TRIP11: variants seen among roughly 807,000 people sequenced by gnomAD.
TRIP11 encodes the protein thyroid receptor-interacting protein 11.
A neutral mutation model predicts 223.1 loss-of-function variants in TRIP11; 148 were observed. The observed-to-expected ratio is 0.66, with a 90% CI of 0.58 to 0.76. TRIP11 has a LOEUF of 0.76. TRIP11 is among the 30% of genes least tolerant of loss of function. The probability of loss-of-function intolerance (pLI) is 0.00; values close to 1 mark genes in which losing one functional copy is unlikely to be tolerated. For missense variants in TRIP11, 2,043 were observed against 2,222.0 expected (o/e 0.92, Z 1.62); for synonymous variants, 762 against 772.6 (o/e 0.99, Z 0.23).
chr14:91,968,671 T>G lies in TRIP11; in HGVS notation c.*1002A>C. 1 of 226,842 alleles carries G rather than the reference T, an allele frequency of 4.4e-6. No individual in the cohort carries two copies. Among genetic ancestry groups the G allele is most frequent in the Non-Finnish European group, 8.8e-6 (1 of 113,428 alleles). The allele number at this position is 226,842 out of a possible 1,614,324, so 14.1% of individuals were successfully genotyped here. A position where few individuals can be genotyped will look rare whatever the true frequency, so the allele number is the denominator to read the frequency against. ...TAAGTGATATATCTGCACTATATGCTCAACAATAAAAAGGAACAAACTAGT... is the reference window on the plus strand; with the variant it reads ...TAAGTGATATATCTGCACTATATGCGCAACAATAAAAAGGAACAAACTAGT... On this transcript the variant is annotated 3_prime_UTR_variant, in exon 21 of 21. Coordinates refer to ENST00000267622, the MANE Select transcript of TRIP11 (RefSeq NM_004239.4).
chr14:91,982,667 G>A (rs1014553367), intron 16 of TRIP11, among the ~76,000 whole-genome samples: 2 of 152,162 alleles, frequency 1.3e-5, no homozygotes, highest in African/African-American at 4.8e-5. Flanking sequence ...CAGATATCCA[G>A]GGTCTCTTCA....
chr14:92,003,090 C>T (rs910264275), intron 11 of TRIP11, among the ~76,000 whole-genome samples: 1 of 152,158 alleles, frequency 6.6e-6, no homozygotes, highest in Non-Finnish European at 1.5e-5. Context: ...TTAACAGCTA[C>T]TGTAATACCT....
intron 10 of TRIP11, among the ~76,000 whole-genome samples, chr14:92,007,175 C>T (rs2056915821): frequency 6.6e-6 from 1 of 152,060 alleles, no homozygotes; most frequent in Admixed American, 6.6e-5. Context: ...CAGGCACCTG[C>T]CACCACGGCC....
At chr14:91,970,604 A>C (rs1189466041) in intron 20 of TRIP11, among the ~76,000 whole-genome samples, 1 of 152,194 alleles carries the variant, frequency 6.6e-6, no homozygotes, top group Non-Finnish European at 1.5e-5. Context: ...AGTAAATTTA[A>C]TTCATATGCT....
chr14:92,003,679 T>C lies in TRIP11; in HGVS notation c.4297A>G (p.Lys1433Glu), dbSNP rs534518044. 4 of 1,614,082 alleles carry C rather than the reference T, an allele frequency of 2.5e-6. No homozygotes were observed. The highest frequency in any genetic ancestry group is 2.5e-6 in the Non-Finnish European group (3 of 1,180,032). The change falls in exon 11 of 21, where the codon AAA (lysine) becomes GAA (glutamate). Residue 1433 changes from lysine (K) to glutamate (E), a missense_variant. Lys to Glu is a moderately conservative substitution (Grantham distance 56). Coordinates refer to ENST00000267622, the MANE Select transcript of TRIP11 (RefSeq NM_004239.4). The stretch of plus-strand genomic sequence containing the variant: ...CTCAAAAGTTCGTTTTCATTTACTT[T>C]GTTAGTGAAATTTTCATTGGAAGAA... ...LLSSNENFTNKVNENELLRQA... is the reference protein window; with the variant it reads ...LLSSNENFTNEVNENELLRQA...
Position 92,021,810 on chromosome 14 carries a change from C to T in TRIP11, c.334G>A (p.Ala112Thr), listed in dbSNP as rs1327899336. The change falls in exon 4 of 21, where the codon GCC (alanine) becomes ACC (threonine). Residue 112 changes from alanine (A) to threonine (T), a missense_variant. By Grantham distance (58) the Ala-to-Thr change is moderately conservative. Transcript: ENST00000267622. ...TGATCCTGGAGTGCAATCTGTCTGG[C>T]TTTAAGATGGCTGATTTCTACCTAT... Reference protein sequence around the residue: ...QKEVEISHLKARQIALQDQLL... With the variant: ...QKEVEISHLKTRQIALQDQLL... The T allele has an allele frequency of 6.2e-7, 1 of 1,614,012 alleles. No homozygotes were observed. The highest frequency in any genetic ancestry group is 1.1e-5 in the South Asian group (1 of 91,084).
intron 2 of TRIP11, among the ~76,000 whole-genome samples, chr14:92,025,746 G>A (rs1446514704): frequency 6.6e-6 from 1 of 152,110 alleles, no homozygotes; most frequent in Non-Finnish European, 1.5e-5. Context: ...CGGGCGTGGT[G>A]GCGTGTGCCC....
chr14:92,033,505 T>C (rs2057291443), intron 1 of TRIP11, among the ~76,000 whole-genome samples: 1 of 152,220 alleles, frequency 6.6e-6, no homozygotes, highest in South Asian at 2.1e-4. Flanking sequence ...CTTAGAAATG[T>C]TCATTAGAAT....
At chr14:92,034,760 G>A (rs1256775163) in intron 1 of TRIP11, among the ~76,000 whole-genome samples, 1 of 152,116 alleles carries the variant, frequency 6.6e-6, no homozygotes, top group African/African-American at 2.4e-5. Flanking sequence ...AGCCTTCCAA[G>A]TAGTTGGAAC....
chr14:92,023,678 C>A (rs894091469), intron 3 of TRIP11, among the ~76,000 whole-genome samples: 6 of 152,118 alleles, frequency 3.9e-5, no homozygotes, highest in East Asian at 3.9e-4. Context: ...CAGCTGTAAA[C>A]CCCTGGGTAG....
Position 92,004,375 on chromosome 14 carries a change from T to C in TRIP11, c.3601A>G (p.Ser1201Gly), listed in dbSNP as rs374989772. The change falls in exon 11 of 21, where the codon AGT (serine) becomes GGT (glycine). Residue 1201 changes from serine to glycine, a missense_variant. Coordinates refer to ENST00000267622, the MANE Select transcript of TRIP11 (RefSeq NM_004239.4). ...STGNEAGGVN[S>G]NQFEELLQER... ...TGTAGAAGCTCCTCAAATTGATTAC[T>C]ATTAACACCTCCAGCCTCATTACCA... is the stretch of plus-strand genomic sequence containing the variant. The C allele has an allele frequency of 6.2e-7, 1 of 1,613,996 alleles. No individual in the cohort carries two copies. The highest frequency in any genetic ancestry group is 1.3e-5 in the African/African-American group (1 of 74,942).
intron 15 of TRIP11, among the ~76,000 whole-genome samples, chr14:91,990,173 T>C (rs1244163691): frequency 1.4e-5 from 2 of 146,418 alleles, no homozygotes; most frequent in Non-Finnish European, 3.0e-5. Context: ...GATTGATATA[T>C]AGAGGGAATG....
intron 14 of TRIP11, among the ~76,000 whole-genome samples, chr14:91,994,330 G>A (rs747189772): frequency 2.7e-5 from 4 of 145,830 alleles, no homozygotes; most frequent in South Asian, 2.1e-4. Context: ...GTGTCATCTC[G>A]GCTCACTCAC....
intron 16 of TRIP11, among the ~76,000 whole-genome samples, chr14:91,985,264 G>A (rs2056591810): frequency 6.6e-6 from 1 of 152,104 alleles, no homozygotes; most frequent in Admixed American, 6.6e-5. Flanking sequence ...CCTTGGAAAA[G>A]GGATACTATC....
chr14:92,006,190 GT>G lies in TRIP11; in HGVS notation c.1785del (p.Gln596LysfsTer5), dbSNP rs1173133830. On this transcript the variant is annotated frameshift_variant, in exon 11 of 21. Coordinates refer to ENST00000267622, the MANE Select transcript of TRIP11 (RefSeq NM_004239.4). LOFTEE classifies it high-confidence loss of function. The part of the protein sequence containing the change: ...VENLVDQLNK[S>X]QESNVSIQKE... Reference sequence around the variant, plus strand: ...TTCTGGATGCTTACATTACTTTCTTGTGATTTATTTAGCTGATCTACTAAAT... The same window carrying G: ...TTCTGGATGCTTACATTACTTTCTTGGATTTATTTAGCTGATCTACTAAAT... The G allele has an allele frequency of 6.2e-7, 1 of 1,613,008 alleles. No homozygotes were observed. The highest frequency in any genetic ancestry group is 8.5e-7 in the Non-Finnish European group (1 of 1,179,794).
At chr14:92,025,517 C>G (rs894305649) in intron 2 of TRIP11, 97 bp from the exon 3 acceptor site, 4 of 782,004 alleles carry the variant, frequency 5.1e-6, no homozygotes, top group Admixed American at 2.3e-5. Context: ...TTTCCCCCCC[C>G]AAAAATGTCA....
chr14:92,014,666 T>C, intron 6 of TRIP11, 89 bp from the exon 7 acceptor site: 2 of 1,404,814 alleles, frequency 1.4e-6, no homozygotes, highest in Non-Finnish European at 1.9e-6. Context: ...TATAAGACAG[T>C]TCAGAATTTG....
intron 5 of TRIP11, among the ~76,000 whole-genome samples, chr14:92,017,268 G>A (rs891620116): frequency 2.6e-4 from 39 of 152,210 alleles, no homozygotes; most frequent in African/African-American, 7.5e-4. Flanking sequence ...TGGACCAGGC[G>A]CGTTGGCTCA....
At chr14:91,996,303 C>T (rs76636837) in intron 13 of TRIP11, among the ~76,000 whole-genome samples, 1,964 of 152,330 alleles carry the variant, frequency 0.013, 27 homozygotes, top group African/African-American at 0.044. Context: ...AATTCAATCA[C>T]TCTTCCTGTG....
Sources: gnomAD v4.1 joint callset for allele counts (sites outside exome capture counted in the v4.1 genomes callset) on GRCh38, gnomAD v4.1.1 for gene constraint, MANE v1.5 for transcripts, NCBI Gene and HGNC (gene_info 2026-07-23, HGNC 2026-07-21) for gene names.